The following MCUR1 variants were observed in gnomAD, a reference collection of about 807,000 sequenced individuals.
MCUR1 encodes the protein MCU regulator 1.
A neutral mutation model predicts 42.0 loss-of-function variants in MCUR1; 37 were observed. That is an observed-to-expected ratio of 0.88 (90% CI 0.68 to 1.16). The LOEUF is 1.16. MCUR1 is among the 50% of genes most tolerant of loss of function. MCUR1 has a pLI of 0.00. For missense variants in MCUR1, 469 were observed against 468.4 expected (o/e 1.00, Z -0.01); for synonymous variants, 229 against 196.2 (o/e 1.17, Z -1.40).
At chr6:13,805,896 C>T (rs888007323) in intron 2 of MCUR1, among the ~76,000 whole-genome samples, 1 of 152,056 alleles carries the variant, frequency 6.6e-6, no homozygotes, top group Non-Finnish European at 1.5e-5. Flanking sequence ...TCAATGAATG[C>T]CATATATACC....
Position 13,814,237 on chromosome 6 carries a change from G to T in MCUR1, c.193C>A (p.Arg65Ser). The change falls in exon 1 of 9, where the codon CGT becomes AGT. Residue 65 changes from arginine (R) to serine (S), a missense_variant. Arg to Ser is a moderately radical substitution (Grantham distance 110, BLOSUM62 -1). Coordinates refer to ENST00000379170, the MANE Select transcript of MCUR1 (RefSeq NM_001031713.4). ...AGGAGGAGGAGCAGCGGTGAGGCACGTGACACGCCGCCGCGGGCCGCCGGG... is the reference window on the plus strand; with the variant it reads ...AGGAGGAGGAGCAGCGGTGAGGCACTTGACACGCCGCCGCGGGCCGCCGGG... ...RAPAARGGVS[R>S]ASPLLLLLLV... 2.0e-6 allele frequency: 3 copies of T among 1,469,564 alleles called. 1 individual carries two copies. Among genetic ancestry groups the T allele is most frequent in the Middle Eastern group, 4.4e-4 (2 of 4,496 alleles). 91.0% of individuals were successfully genotyped at this position (1,469,564 alleles called of 1,614,324 possible).
intron 7 of MCUR1, among the ~76,000 whole-genome samples, chr6:13,793,656 T>A (rs1192465939): frequency 2.6e-5 from 4 of 152,246 alleles, no homozygotes; most frequent in Non-Finnish European, 5.9e-5. Flanking sequence ...AAGAGTTCTG[T>A]GATAGCCAGT....
Position 13,801,307 on chromosome 6 carries a change from G to C in MCUR1, c.722C>G (p.Ala241Gly), listed in dbSNP as rs760715136. ...MIILEKSEFSALRAENEKIKL... is the reference protein window; with the variant it reads ...MIILEKSEFSGLRAENEKIKL... ...TTTTACCTCATTTTCTGCTCTGAGG[G>C]CTGAAAATTCACTCTTCTCCAAAAT... is the stretch of plus-strand genomic sequence containing the variant. The change falls in exon 4 of 9, where the codon GCC becomes GGC. Residue 241 changes from alanine to glycine, a missense_variant. Ala to Gly is a moderately conservative substitution (Grantham distance 60). Coordinates refer to ENST00000379170, the MANE Select transcript of MCUR1 (RefSeq NM_001031713.4). 3.7e-6 allele frequency: 6 copies of C among 1,611,834 alleles called. No individual in the cohort carries two copies. The highest frequency in any genetic ancestry group is 5.1e-6 in the Non-Finnish European group (6 of 1,178,660).
chr6:13,811,681 G>A (rs764260685), intron 1 of MCUR1, among the ~76,000 whole-genome samples: 3 of 152,064 alleles, frequency 2.0e-5, no homozygotes, highest in Non-Finnish European at 2.9e-5. Flanking sequence ...CAGGGAGCTC[G>A]AAAACACCTG....
At chr6:13,813,758 G>A (rs1399612344) in intron 1 of MCUR1, among the ~76,000 whole-genome samples, 1 of 152,124 alleles carries the variant, frequency 6.6e-6, no homozygotes, top group South Asian at 2.1e-4. Flanking sequence ...CCAACTCCCC[G>A]CCCCAGCACG....
intron 1 of MCUR1, among the ~76,000 whole-genome samples, chr6:13,813,688 C>T (rs1431595684): frequency 6.6e-6 from 1 of 152,254 alleles, no homozygotes; most frequent in Non-Finnish European, 1.5e-5. Flanking sequence ...AGGCTGGGCG[C>T]TGCCAAACAG....
chr6:13,803,739 AACAT>A (rs1760044101), intron 2 of MCUR1: 1 of 984,096 alleles, frequency 1.0e-6, no homozygotes. Context: ...CCAAAATGTT[AACAT>A]TGTTTAGCTC....
rs1370084960 is a variant in MCUR1, at chr6:13,787,621, G to T, written c.*3188C>A. The T allele has an allele frequency of 6.6e-6, 1 of 152,222 alleles. No individual in the cohort carries two copies. The highest frequency in any genetic ancestry group is 1.5e-5 in the Non-Finnish European group (1 of 68,072). The allele number at this position is 152,222 out of a possible 1,614,324, so 9.4% of individuals were successfully genotyped here. ...CAAGAATGATGAGTGATTCGTGCAGGAGAGGGAAATACAGACGTTCCGTCC... is the reference window on the plus strand; with the variant it reads ...CAAGAATGATGAGTGATTCGTGCAGTAGAGGGAAATACAGACGTTCCGTCC... On this transcript the variant is annotated 3_prime_UTR_variant, in exon 9 of 9. Transcript: ENST00000379170.
At chr6:13,810,986 A>T (rs531240370) in intron 1 of MCUR1, among the ~76,000 whole-genome samples, 1 of 152,342 alleles carries the variant, frequency 6.6e-6, no homozygotes, top group South Asian at 2.1e-4. Flanking sequence ...ATTTCCTGCA[A>T]TTGCATGCTT....
chr6:13,787,719 C>T lies in MCUR1; in HGVS notation c.*3090G>A, dbSNP rs764530001. On this transcript the variant is annotated 3_prime_UTR_variant, in exon 9 of 9. Transcript: ENST00000379170. ...CCTAGAGGATATGTGTTCAGGATCT[C>T]GCTATGGTTAGTTACCCATGTGCTA... is the stretch of plus-strand genomic sequence containing the variant. 2 of 152,176 alleles carry T rather than the reference C, an allele frequency of 1.3e-5. No homozygotes were observed. The highest frequency in any genetic ancestry group is 2.9e-5 in the Non-Finnish European group (2 of 68,052). The allele number at this position is 152,176 out of a possible 1,614,324, so 9.4% of individuals were successfully genotyped here. A position where few individuals can be genotyped will look rare whatever the true frequency, so the allele number is the denominator to read the frequency against.
chr6:13,801,099 G>A (rs561027927), intron 4 of MCUR1, among the ~76,000 whole-genome samples, 189 bp downstream of exon 4: 1 of 152,276 alleles, frequency 6.6e-6, no homozygotes, highest in Non-Finnish European at 1.5e-5. Flanking sequence ...TCTGGGGCAG[G>A]AGCAACTGAG....
rs1759646232 is a variant in MCUR1 at position 13,788,286 on chromosome 6, C to T, written c.*2523G>A. 1.3e-5 allele frequency: 2 copies of T among 152,174 alleles called. No homozygotes were observed. 9.4% of individuals were successfully genotyped at this position (152,174 alleles called of 1,614,324 possible). A position where few individuals can be genotyped will look rare whatever the true frequency, so the allele number is the denominator to read the frequency against. ...GCTCAAATGGTTTTCAAATAAAATA[C>T]ATCTGACCAAATAAAGTGAACACAG... On this transcript the variant is annotated 3_prime_UTR_variant, in exon 9 of 9. Transcript: ENST00000379170.
At chr6:13,800,250 A>C in intron 5 of MCUR1, 91 bp downstream of exon 5, 1 of 841,784 alleles carries the variant, frequency 1.2e-6, no homozygotes. Flanking sequence ...ACAAAGAATT[A>C]AGTTTTTAAA....
chr6:13,798,870 A>G lies in MCUR1; in HGVS notation c.818T>C (p.Leu273Ser). 1 of 1,611,396 alleles carries G rather than the reference A, an allele frequency of 6.2e-7. No homozygotes were observed. Among genetic ancestry groups the G allele is most frequent in the Non-Finnish European group, 8.5e-7 (1 of 1,177,900 alleles). The change falls in exon 6 of 9, where the codon TTA becomes TCA. Residue 273 changes from leucine to serine, a missense_variant. By Grantham distance (145) the Leu-to-Ser change is moderately radical. Coordinates refer to ENST00000379170, the MANE Select transcript of MCUR1 (RefSeq NM_001031713.4). Reference sequence around the variant, plus strand: ...TCTGCTCTTTTCTAGGTTGAAGTCTAATTTGGTATCTGTTCGGACTTTGAT... The same window carrying G: ...TCTGCTCTTTTCTAGGTTGAAGTCTGATTTGGTATCTGTTCGGACTTTGAT... Reference protein sequence around the residue: ...EVIKVRTDTKLDFNLEKSRVK... With the variant: ...EVIKVRTDTKSDFNLEKSRVK...
At chr6:13,803,820 A>C (rs1041421565) in intron 2 of MCUR1, 1 of 985,232 alleles carries the variant, frequency 1.0e-6, no homozygotes, top group Non-Finnish European at 1.2e-6. Context: ...ACTTTTGCCA[A>C]ATTTTAAAGT....
chr6:13,795,055 C>T (rs1759825068), intron 6 of MCUR1, among the ~76,000 whole-genome samples: 1 of 151,364 alleles, frequency 6.6e-6, no homozygotes, highest in Middle Eastern at 3.4e-3. Flanking sequence ...AAAAGTTAAT[C>T]CTTTGAAGTA....
At chr6:13,796,222 C>G (rs912722587) in intron 6 of MCUR1, among the ~76,000 whole-genome samples, 1 of 151,840 alleles carries the variant, frequency 6.6e-6, no homozygotes. Context: ...AATGAATCCA[C>G]TCTATATATC....
intron 2 of MCUR1, among the ~76,000 whole-genome samples, chr6:13,805,952 G>A (rs1760102817): frequency 6.6e-6 from 1 of 152,070 alleles, no homozygotes. Context: ...ATGTTAGCCT[G>A]AGTATTAAAA....
intron 1 of MCUR1, among the ~76,000 whole-genome samples, chr6:13,812,532 A>T (rs1175879187): frequency 6.6e-6 from 1 of 152,232 alleles, no homozygotes; most frequent in Non-Finnish European, 1.5e-5. Context: ...TGTCAGAAAA[A>T]GCGCAACAAA....
Sources: gnomAD v4.1 joint callset for allele counts (sites outside exome capture counted in the v4.1 genomes callset) on GRCh38, gnomAD v4.1.1 for gene constraint, MANE v1.5 for transcripts, NCBI Gene and HGNC (gene_info 2026-07-23, HGNC 2026-07-21) for gene names.